Variants in CLSTN1 observed in about 807,000 individuals in gnomAD.
The protein encoded by CLSTN1 is calsyntenin 1.
A neutral mutation model predicts 108.3 loss-of-function variants in CLSTN1; 28 were observed. That is an observed-to-expected ratio of 0.26 (90% CI 0.19 to 0.35). The LOEUF is 0.35. CLSTN1 is among the 10% of genes least tolerant of loss of function. CLSTN1 has a pLI of 1.00. For missense variants in CLSTN1, 1,157 were observed against 1,302.6 expected, an observed-to-expected ratio of 0.89 and a Z score of 1.72; for synonymous variants, 524 against 534.9, an observed-to-expected ratio of 0.98 and a Z score of 0.28.
chr1:9,774,956 A>G (rs1447814575), intron 1 of CLSTN1, among the ~76,000 whole-genome samples: 2 of 152,156 alleles, frequency 1.3e-5, no homozygotes, highest in Non-Finnish European at 2.9e-5. Flanking sequence ...GAGCACATAC[A>G]GTAACTTCCT....
At chr1:9,740,762 T>A (rs1259275445) in intron 10 of CLSTN1, among the ~76,000 whole-genome samples, 1 of 152,228 alleles carries the variant, frequency 6.6e-6, no homozygotes, top group African/African-American at 2.4e-5. Context: ...GTTGCCTCTT[T>A]GTCCTTGTGA....
intron 2 of CLSTN1, among the ~76,000 whole-genome samples, chr1:9,764,055 C>T (rs569864468): frequency 9.3e-5 from 14 of 150,990 alleles, no homozygotes; most frequent in East Asian, 3.9e-4. Flanking sequence ...CCACTCACTG[C>T]GGAAGGCCAA....
chr1:9,769,012 G>A (rs1570471108), intron 2 of CLSTN1, among the ~76,000 whole-genome samples: 1 of 140,992 alleles, frequency 7.1e-6, no homozygotes, highest in African/African-American at 2.7e-5. Context: ...GGGAACAGAA[G>A]GAGGGAATGA....
chr1:9,799,306 C>A (rs764638727), intron 1 of CLSTN1, among the ~76,000 whole-genome samples: 3 of 152,140 alleles, frequency 2.0e-5, no homozygotes, highest in African/African-American at 7.2e-5. Flanking sequence ...AAGCTGTAAT[C>A]GACAAACTGC....
intron 1 of CLSTN1, among the ~76,000 whole-genome samples, chr1:9,816,716 G>C (rs574619212): frequency 6.6e-6 from 1 of 151,944 alleles, no homozygotes; most frequent in Admixed American, 6.6e-5. Flanking sequence ...GTGTGATCTC[G>C]ACTCACTGCA....
chr1:9,741,183 G>T lies in CLSTN1; in HGVS notation c.1430C>A (p.Thr477Lys), dbSNP rs149973700. Residue 477 changes from threonine (T) to lysine (K), a missense_variant, in exon 10 of 19, where the codon ACG becomes AAG. By Grantham distance (78) the Thr-to-Lys change is moderately conservative. Transcript: ENST00000377298. ...AGTCACAGAGAAGGGCTCGTGGGAC[G>T]TGCCATCCACATAGAGAGTCACACT... The part of the protein sequence containing the change: ...FPSVTLYVDG[T>K]SHEPFSVTED... The T allele has an allele frequency of 6.2e-7, 1 of 1,614,072 alleles. No individual in the cohort carries two copies. Among genetic ancestry groups the T allele is most frequent in the South Asian group, 1.1e-5 (1 of 91,080 alleles).
intron 4 of CLSTN1, among the ~76,000 whole-genome samples, chr1:9,753,390 C>T (rs1186400855): frequency 6.6e-6 from 1 of 152,098 alleles, no homozygotes; most frequent in Non-Finnish European, 1.5e-5. Flanking sequence ...TTGTCTTGTC[C>T]AAAGCCCTCT....
At chr1:9,746,881 A>G (rs955636960) in intron 7 of CLSTN1, among the ~76,000 whole-genome samples, 4 of 152,054 alleles carry the variant, frequency 2.6e-5, no homozygotes, top group Non-Finnish European at 4.4e-5. Context: ...AAACACACAT[A>G]GAAGTACCTG....
At chr1:9,732,969 T>C (rs910361802) in intron 16 of CLSTN1, among the ~76,000 whole-genome samples, 4 of 152,182 alleles carry the variant, frequency 2.6e-5, no homozygotes, top group African/African-American at 9.7e-5. Context: ...GGCAAGTGGA[T>C]TGCTTGAACC....
At chr1:9,796,662 C>T (rs544643897) in intron 1 of CLSTN1, among the ~76,000 whole-genome samples, 18 of 151,722 alleles carry the variant, frequency 1.2e-4, no homozygotes, top group Admixed American at 3.3e-4. Context: ...CCAGCCTGGG[C>T]GACAGAGCGA....
Position 9,751,697 on chromosome 1 carries a change from G to A in CLSTN1, c.441-16C>T, listed in dbSNP as rs754761420. Reference sequence around the variant, plus strand: ...AACAGTTGCTCTGGACAAAGGGAGGGAGAAAAATATTTTTCTGCTTGTTTT... The same window carrying A: ...AACAGTTGCTCTGGACAAAGGGAGGAAGAAAAATATTTTTCTGCTTGTTTT... On this transcript the variant is annotated splice_polypyrimidine_tract_variant and intron_variant, in intron 4 of 18. Transcript: ENST00000377298. 5 of 1,607,464 alleles carry A rather than the reference G, an allele frequency of 3.1e-6. No individual in the cohort carries two copies. The highest frequency in any genetic ancestry group is 1.7e-5 in the Admixed American group (1 of 59,954).
intron 1 of CLSTN1, among the ~76,000 whole-genome samples, chr1:9,807,443 C>T (rs921602143): frequency 1.3e-5 from 2 of 152,210 alleles, no homozygotes; most frequent in Non-Finnish European, 2.9e-5. Context: ...ACATCAAATA[C>T]ATTTTTTACA....
At chr1:9,787,898 C>T (rs1653569772) in intron 1 of CLSTN1, among the ~76,000 whole-genome samples, 1 of 151,310 alleles carries the variant, frequency 6.6e-6, no homozygotes, top group Non-Finnish European at 1.5e-5. Flanking sequence ...ATACTAACTT[C>T]CTATTTCCCC....
rs373266681 is a variant in CLSTN1, at chr1:9,808,613, C to T, written c.91+15030G>A. Among the ~76,000 whole-genome samples the T allele has an allele frequency of 4.6e-5, 7 of 152,170 alleles. No individual in the cohort carries two copies. In the East Asian group the frequency reaches 7.7e-4, roughly 17 times the overall value. ...AGTAATTACTAGACGATCCCATGAGCGGAGGTAGTCAGGAATTTCAGCAAG... is the reference window on the plus strand; with the variant it reads ...AGTAATTACTAGACGATCCCATGAGTGGAGGTAGTCAGGAATTTCAGCAAG... On this transcript the variant is annotated intron_variant, in intron 1 of 18. Coordinates refer to ENST00000377298, the MANE Select transcript of CLSTN1 (RefSeq NM_001009566.3).
chr1:9,777,113 G>C (rs1418838792), intron 1 of CLSTN1, among the ~76,000 whole-genome samples: 2 of 150,790 alleles, frequency 1.3e-5, no homozygotes, highest in Non-Finnish European at 3.0e-5. Flanking sequence ...CCAGCTTCTC[G>C]GGCGGCTGAG....
chr1:9,781,777 A>G (rs1308360057), intron 1 of CLSTN1, among the ~76,000 whole-genome samples: 1 of 151,898 alleles, frequency 6.6e-6, no homozygotes, highest in East Asian at 1.9e-4. Flanking sequence ...ATGCTTCCAC[A>G]TCGCCATGTT....
At chr1:9,746,745 A>T (rs1054275109) in intron 7 of CLSTN1, among the ~76,000 whole-genome samples, 19 of 151,502 alleles carry the variant, frequency 1.3e-4, no homozygotes, top group African/African-American at 4.6e-4. Flanking sequence ...CACACACTAG[A>T]ACCTCAGCTC....
At position 9,801,736 on chromosome 1, in the gene CLSTN1, A is replaced by C. The variant is rs541761737; in HGVS notation, c.91+21907T>G. Among the ~76,000 whole-genome samples the C allele has an allele frequency of 2.5e-3, 384 of 152,130 alleles. 3 individuals are homozygous for C. The highest frequency in any genetic ancestry group is 8.7e-3 in the African/African-American group (361 of 41,502). On this transcript the variant is annotated intron_variant, in intron 1 of 18. Transcript: ENST00000377298. The stretch of plus-strand genomic sequence containing the variant: ...TGCCCGGCTAACTTTCTGTGTTTTT[A>C]GTAGAGATGCGGTTTCTCCATGTTG...
At chr1:9,741,920 C>T (rs974497555) in intron 9 of CLSTN1, among the ~76,000 whole-genome samples, 2 of 152,002 alleles carry the variant, frequency 1.3e-5, no homozygotes, top group Non-Finnish European at 2.9e-5. Context: ...TCCTCCCCAC[C>T]GCCGACAAAA....
Sources: allele counts gnomAD v4.1 joint callset (sites outside exome capture counted in the v4.1 genomes callset), GRCh38; gene constraint gnomAD v4.1.1; transcripts MANE v1.5; gene names NCBI Gene and HGNC (gene_info 2026-07-23, HGNC 2026-07-21).